AOPEP: variants seen among roughly 807,000 people sequenced by gnomAD.
The protein encoded by AOPEP is aminopeptidase O (putative).
AOPEP carries 77 observed loss-of-function variants against 98.1 expected under a neutral mutation model. The observed-to-expected ratio is 0.78, with a 90% CI of 0.65 to 0.95. The LOEUF (loss-of-function observed/expected upper bound fraction) is 0.95, where lower values mean the gene tolerates loss of function less well. Ranked by LOEUF, AOPEP falls within the 40% of genes least tolerant of loss-of-function variation. The pLI is 0.00. For synonymous variants in AOPEP, 346 were observed against 365.3 expected (o/e 0.95, Z 0.60); for missense variants, 1,024 against 1,024.7 (o/e 1.00, Z 0.01).
the AOPEP span, among the ~76,000 whole-genome samples, chr9:95,129,453 G>A: frequency 6.6e-6 from 1 of 152,214 alleles, no homozygotes; most frequent in Admixed American, 6.5e-5. Context: ...ATCTTCATGA[G>A]TGATGACGCA....
the AOPEP span, among the ~76,000 whole-genome samples, chr9:95,116,823 C>T: frequency 6.6e-6 from 1 of 152,242 alleles, no homozygotes; most frequent in Non-Finnish European, 1.5e-5. Flanking sequence ...GTGGATGAAG[C>T]ACCTTACTGA....
chr9:94,919,050 G>A (rs1395212403), intron 5 of AOPEP, among the ~76,000 whole-genome samples: 1 of 151,996 alleles, frequency 6.6e-6, no homozygotes, highest in Non-Finnish European at 1.5e-5. Flanking sequence ...TAGTAGCTGG[G>A]ATTACAGGCA....
chr9:94,905,677 A>G (rs1366214470), intron 5 of AOPEP, among the ~76,000 whole-genome samples: 3 of 152,190 alleles, frequency 2.0e-5, no homozygotes, highest in Admixed American at 2.0e-4. Flanking sequence ...TCTGTTATAA[A>G]GTATGCTCTG....
At chr9:95,010,132 A>G (rs888104539) in intron 13 of AOPEP, among the ~76,000 whole-genome samples, 2 of 152,214 alleles carry the variant, frequency 1.3e-5, no homozygotes, top group Admixed American at 1.3e-4. Context: ...TTTAGCGTTT[A>G]TTGTTCCTTT....
intron 1 of AOPEP, among the ~76,000 whole-genome samples, chr9:94,745,463 G>T (rs1045568964): frequency 6.6e-6 from 1 of 151,846 alleles, no homozygotes; most frequent in Non-Finnish European, 1.5e-5. Flanking sequence ...TTTTAGTAGA[G>T]ACGGGGTTTC....
rs1267573087 is a variant in AOPEP at position 94,962,807 on chromosome 9, A to G, written c.1873-4951A>G. Among the ~76,000 whole-genome samples, 6 of 141,306 alleles carry G rather than the reference A, an allele frequency of 4.2e-5. No homozygotes were observed. In the East Asian group the frequency reaches 1.2e-3, roughly 29 times the overall value. The allele number at this position is 141,306 out of a possible 152,430, so 92.7% of individuals were successfully genotyped here. On this transcript the variant is annotated intron_variant, in intron 9 of 16. Transcript: ENST00000375315. ...GAGTGCAGTGGCGTGATCTCGGCTC[A>G]CTGCAAGCTCTGCCTTGTGGGTTCA... is the stretch of plus-strand genomic sequence containing the variant.
Position 94,854,707 on chromosome 9 carries a change from C to T in AOPEP, c.1364+53705C>T, listed in dbSNP as rs766122501. Among the ~76,000 whole-genome samples, 71 of 152,320 alleles carry T rather than the reference C, an allele frequency of 4.7e-4. No homozygotes were observed. The Middle Eastern group carries it at 0.01, about 22-fold the overall frequency. On this transcript the variant is annotated intron_variant, in intron 5 of 16. Transcript: ENST00000375315. ...ACACATCTATTTGTTGATTTCTCTT[C>T]CCCGATGGAACATTTAACCCAGCCT...
At chr9:95,093,161 A>G in the AOPEP span, among the ~76,000 whole-genome samples, 1 of 152,174 alleles carries the variant, frequency 6.6e-6, no homozygotes, top group Non-Finnish European at 1.5e-5. Context: ...AGCGTGGAGG[A>G]AGTGACTGCA....
chr9:94,968,337 C>T (rs2059333908), intron 10 of AOPEP, among the ~76,000 whole-genome samples: 1 of 152,168 alleles, frequency 6.6e-6, no homozygotes, highest in African/African-American at 2.4e-5. Context: ...CAAACTCCAC[C>T]TCCCAGGTTC....
intron 13 of AOPEP, among the ~76,000 whole-genome samples, chr9:95,013,511 G>T (rs1212135516): frequency 6.6e-6 from 1 of 150,644 alleles, no homozygotes; most frequent in Non-Finnish European, 1.5e-5. Flanking sequence ...GTTGGACTGT[G>T]TCTACAATGT....
chr9:95,124,174 G>C, the AOPEP span, among the ~76,000 whole-genome samples: 2 of 151,424 alleles, frequency 1.3e-5, no homozygotes, highest in Non-Finnish European at 2.9e-5. Context: ...TGACGTTGGC[G>C]GGGGGTGTGA....
intron 13 of AOPEP, among the ~76,000 whole-genome samples, chr9:95,009,863 T>A (rs2062360106): frequency 6.6e-6 from 1 of 152,092 alleles, no homozygotes; most frequent in Non-Finnish European, 1.5e-5. Flanking sequence ...TTGTGAAAAG[T>A]ATAGACTTTA....
chr9:95,129,725 G>C, the AOPEP span, among the ~76,000 whole-genome samples: 1 of 152,184 alleles, frequency 6.6e-6, no homozygotes, highest in South Asian at 2.1e-4. Context: ...CTCGAGGGGA[G>C]CTATGTCAGC....
intron 2 of AOPEP, among the ~76,000 whole-genome samples, chr9:94,762,539 A>G (rs933686661): frequency 6.6e-6 from 1 of 152,184 alleles, no homozygotes; most frequent in Non-Finnish European, 1.5e-5. Flanking sequence ...TCATTTTCTG[A>G]TAATTCAGTA....
At chr9:94,782,886 C>T (rs552187895) in intron 3 of AOPEP, among the ~76,000 whole-genome samples, 41 of 152,158 alleles carry the variant, frequency 2.7e-4, no homozygotes, top group African/African-American at 4.3e-4. Context: ...CCTGGCACTG[C>T]GCTTACTGTA....
At chr9:95,005,288 C>T (rs2061908323) in intron 12 of AOPEP, 68 bp downstream of exon 12, 4 of 849,884 alleles carry the variant, frequency 4.7e-6, no homozygotes, top group South Asian at 1.1e-4. Context: ...GGCGAGAGGC[C>T]CTGGCTCTGC....
At chr9:94,895,414 G>GAAA (rs5899235) in intron 5 of AOPEP, among the ~76,000 whole-genome samples, 13 of 57,538 alleles carry the variant, frequency 2.3e-4, no homozygotes, top group African/African-American at 6.0e-4. Context: ...ACACAAAAAG[G>GAAA]AAAAAAAAAA....
intron 13 of AOPEP, among the ~76,000 whole-genome samples, chr9:95,052,016 A>C (rs748567475): frequency 4.1e-4 from 63 of 152,278 alleles, no homozygotes; most frequent in Non-Finnish European, 8.1e-4. Context: ...GAAACTTTTT[A>C]AGTTGATAAA....
intron 3 of AOPEP, among the ~76,000 whole-genome samples, chr9:94,786,406 C>T (rs1844432810): frequency 6.6e-6 from 1 of 152,164 alleles, no homozygotes; most frequent in South Asian, 2.1e-4. Flanking sequence ...TATCCAAAAG[C>T]AATAAACTCT....
Sources: allele counts gnomAD v4.1 joint callset (sites outside exome capture counted in the v4.1 genomes callset), GRCh38; gene constraint gnomAD v4.1.1; transcripts MANE v1.5; gene names NCBI Gene and HGNC (gene_info 2026-07-23, HGNC 2026-07-21).